Variants in SRGAP2 observed in about 807,000 individuals in gnomAD.
SRGAP2 encodes SLIT-ROBO Rho GTPase activating protein 2.
SRGAP2 carries 15 observed loss-of-function variants against 57.2 expected under a neutral mutation model. The observed-to-expected ratio is 0.26, with a 90% CI of 0.18 to 0.40. The LOEUF (loss-of-function observed/expected upper bound fraction) is 0.40, where lower values mean the gene tolerates loss of function less well. Among genes scored for constraint, SRGAP2 ranks in the 10% least tolerant of loss-of-function variants. The pLI, the probability that SRGAP2 is intolerant of heterozygous loss-of-function variation, is 1.00. For synonymous variants in SRGAP2, 249 were observed against 248.0 expected, an observed-to-expected ratio of 1.00 and a Z score of -0.04; for missense variants, 520 against 669.6, an observed-to-expected ratio of 0.78 and a Z score of 2.47.
intron 3 of SRGAP2, among the ~76,000 whole-genome samples, chr1:206,326,893 T>G (rs1203664242): frequency 3.3e-5 from 5 of 152,208 alleles, no homozygotes; most frequent in African/African-American, 1.2e-4. Context: ...CCAGGTGAGG[T>G]GGCTCATACT....
intron 2 of SRGAP2, among the ~76,000 whole-genome samples, chr1:206,241,311 G>C (rs1312146553): frequency 6.6e-6 from 1 of 152,170 alleles, no homozygotes; most frequent in Non-Finnish European, 1.5e-5. Flanking sequence ...CATCAGACGG[G>C]AGTGGCTAGC....
intron 3 of SRGAP2, among the ~76,000 whole-genome samples, chr1:206,340,871 G>A (rs1465813980): frequency 6.7e-6 from 1 of 149,688 alleles, no homozygotes; most frequent in Non-Finnish European, 1.5e-5. Flanking sequence ...CTCTCAGCTG[G>A]TATATTTTTG....
intron 2 of SRGAP2, among the ~76,000 whole-genome samples, chr1:206,239,255 CAG>C (rs1394987114): frequency 6.1e-5 from 9 of 147,584 alleles, no homozygotes; most frequent in Non-Finnish European, 1.2e-4. Context: ...GGCTGGCAAA[CAG>C]AATTTCTTTG....
intron 13 of SRGAP2, among the ~76,000 whole-genome samples, chr1:206,423,716 C>G (rs12028326): frequency 6.6e-6 from 1 of 150,570 alleles, no homozygotes; most frequent in African/African-American, 2.5e-5. Flanking sequence ...CTCTAACCCT[C>G]TTACTCATGT....
At chr1:206,293,099 C>T (rs1469965268) in intron 2 of SRGAP2, among the ~76,000 whole-genome samples, 1 of 152,202 alleles carries the variant, frequency 6.6e-6, no homozygotes, top group Non-Finnish European at 1.5e-5. Flanking sequence ...GGTTTGTTTT[C>T]AACTCGATTG....
rs1380467909 is a variant in SRGAP2 at position 206,316,320 on chromosome 1, T to TA, written c.260+12851dup. Among the ~76,000 whole-genome samples, 479 of 140,604 alleles carry TA rather than the reference T, an allele frequency of 3.4e-3. 87 individuals are homozygous for TA. Among genetic ancestry groups the TA allele is most frequent in the African/African-American group, 0.014 (456 of 31,804 alleles). 92.2% of individuals were successfully genotyped at this position (140,604 alleles called of 152,430 possible). ...TGGGCCTGAGCACAGCTGTACTGGG[T>TA]AAAACACTGGTATATTAGATACACT... On this transcript the variant is annotated intron_variant, in intron 3 of 22. Coordinates refer to ENST00000573034, the MANE Select transcript of SRGAP2 (RefSeq NM_015326.5).
chr1:206,295,997 A>G (rs1320084274), intron 2 of SRGAP2, among the ~76,000 whole-genome samples: 1 of 150,434 alleles, frequency 6.6e-6, no homozygotes, highest in East Asian at 2.0e-4. Context: ...GGGCCTCCCA[A>G]AGTGCTAGGA....
At chr1:206,255,182 TTCCTGGGTTCTAA>T (rs1221709026) in intron 2 of SRGAP2, among the ~76,000 whole-genome samples, 1 of 142,710 alleles carries the variant, frequency 7.0e-6, no homozygotes, top group Non-Finnish European at 1.5e-5. Context: ...ACTCTGCTGC[TTCCTGGGTTCTAA>T]AGAACCCAGT....
chr1:206,352,912 C>T (rs1350894369), intron 4 of SRGAP2, among the ~76,000 whole-genome samples: 18 of 152,200 alleles, frequency 1.2e-4, no homozygotes, highest in Non-Finnish European at 2.1e-4. Flanking sequence ...AACTTCTGTG[C>T]TCAAGCAAAC....
chr1:206,453,393 C>A lies in SRGAP2; in HGVS notation c.2360+13C>A. The stretch of plus-strand genomic sequence containing the variant: ...TGGTCCAAGACACGTACGTTGGGCC[C>A]ATGGCATCTTTGGGGGTGGTCCCCA... On this transcript the variant is annotated intron_variant, in intron 20 of 22. Transcript: ENST00000573034. 1 of 625,836 alleles carries A rather than the reference C, an allele frequency of 1.6e-6. No individual in the cohort carries two copies. The highest frequency in any genetic ancestry group is 1.9e-5 in the South Asian group (1 of 52,790). The allele number at this position is 625,836 out of a possible 1,614,324, so 38.8% of individuals were successfully genotyped here.
intron 3 of SRGAP2, among the ~76,000 whole-genome samples, chr1:206,303,886 T>TCACACACACA (rs1376040852): frequency 5.3e-5 from 7 of 132,880 alleles, no homozygotes; most frequent in African/African-American, 2.3e-4. Flanking sequence ...TCTCTCTCTC[T>TCACACACACA]CTCACACACA....
intron 11 of SRGAP2, among the ~76,000 whole-genome samples, chr1:206,417,414 C>CTTTTT (rs1219905489): frequency 1.8e-5 from 2 of 110,776 alleles, no homozygotes; most frequent in Non-Finnish European, 3.6e-5. Flanking sequence ...GATCTTATGA[C>CTTTTT]TTTTTTTTTT....
At chr1:206,420,175 A>G (rs1432211644) in intron 12 of SRGAP2, among the ~76,000 whole-genome samples, 3 of 152,258 alleles carry the variant, frequency 2.0e-5, no homozygotes, top group Admixed American at 6.5e-5. Flanking sequence ...AACCACTTAT[A>G]TCTGCCAAAA....
At chr1:206,285,787 C>CT (rs1195184115) in intron 2 of SRGAP2, among the ~76,000 whole-genome samples, 3 of 152,140 alleles carry the variant, frequency 2.0e-5, no homozygotes, top group African/African-American at 7.2e-5. Context: ...CATGGCTTGG[C>CT]TTCCTGAGTA....
intron 21 of SRGAP2, among the ~76,000 whole-genome samples, chr1:206,457,352 G>T (rs1663925628): frequency 6.6e-6 from 1 of 152,172 alleles, no homozygotes; most frequent in African/African-American, 2.4e-5. Flanking sequence ...TCACAGTCTG[G>T]CAAGGTAAAG....
chr1:206,318,625 A>G (rs1218556268), intron 3 of SRGAP2, among the ~76,000 whole-genome samples: 1 of 152,206 alleles, frequency 6.6e-6, no homozygotes, highest in African/African-American at 2.4e-5. Context: ...TGCAGGCTGT[A>G]CAGGAGGCAT....
chr1:206,209,169 T>C (rs1226099456), intron 2 of SRGAP2, among the ~76,000 whole-genome samples: 1 of 145,498 alleles, frequency 6.9e-6, no homozygotes, highest in Non-Finnish European at 1.5e-5. Context: ...GGAATGAAAC[T>C]TAAGTTCTAG....
rs1449905816 is a variant in SRGAP2 at position 206,462,954 on chromosome 1, C to T, written c.*1534C>T. Reference sequence around the variant, plus strand: ...ACAGCAACTTGAGTTAAAGCTGAAACTCATCCTTCTTCTCTGTGTTTTCTG... The same window carrying T: ...ACAGCAACTTGAGTTAAAGCTGAAATTCATCCTTCTTCTCTGTGTTTTCTG... On this transcript the variant is annotated 3_prime_UTR_variant, in exon 23 of 23. Transcript: ENST00000573034. 1 of 152,240 alleles carries T rather than the reference C, an allele frequency of 6.6e-6. No individual in the cohort carries two copies. Among genetic ancestry groups the T allele is most frequent in the Non-Finnish European group, 1.5e-5 (1 of 68,050 alleles). The allele number at this position is 152,240 out of a possible 1,614,324, so 9.4% of individuals were successfully genotyped here. A position where few individuals can be genotyped will look rare whatever the true frequency, so the allele number is the denominator to read the frequency against.
intron 7 of SRGAP2, among the ~76,000 whole-genome samples, chr1:206,399,855 T>C (rs1283808618): frequency 7.9e-5 from 12 of 152,140 alleles, no homozygotes; most frequent in Non-Finnish European, 1.6e-4. Context: ...CGCTTTTGTC[T>C]AGCTTCCATT....
Sources: allele counts gnomAD v4.1 joint callset (sites outside exome capture counted in the v4.1 genomes callset), GRCh38; gene constraint gnomAD v4.1.1; transcripts MANE v1.5; gene names NCBI Gene and HGNC (gene_info 2026-07-23, HGNC 2026-07-21).